AFF3: variants seen among roughly 807,000 people sequenced by gnomAD.
The protein encoded by AFF3 is ALF transcription elongation factor 3, also known as AF4/FMR2 family member 3.
AFF3 carries 32 observed loss-of-function variants against 129.7 expected under a neutral mutation model. The ratio of observed to expected loss-of-function variants is 0.25; its 90% CI spans 0.19 to 0.33. The LOEUF is 0.33. AFF3 is among the 10% of genes least tolerant of loss of function. The probability of loss-of-function intolerance (pLI) is 1.00; values close to 1 mark genes in which losing one functional copy is unlikely to be tolerated. For missense variants in AFF3, 1,373 were observed against 1,592.0 expected, an observed-to-expected ratio of 0.86 and a Z score of 2.34; for synonymous variants, 644 against 635.4, an observed-to-expected ratio of 1.01 and a Z score of -0.20.
intron 19 of AFF3, among the ~76,000 whole-genome samples, chr2:99,566,877 A>T (rs1342223733): frequency 6.6e-6 from 1 of 152,224 alleles, no homozygotes; most frequent in East Asian, 1.9e-4. Flanking sequence ...CTTCAAAACC[A>T]GAAATGCAGA....
chr2:99,711,205 G>A (rs1677858244), intron 11 of AFF3, among the ~76,000 whole-genome samples: 1 of 152,136 alleles, frequency 6.6e-6, no homozygotes, highest in Non-Finnish European at 1.5e-5. Flanking sequence ...TGTGCCCTCT[G>A]TGCCAGGCCG....
chr2:99,654,172 G>A (rs1040718679), intron 12 of AFF3, among the ~76,000 whole-genome samples: 1 of 152,154 alleles, frequency 6.6e-6, no homozygotes, highest in African/African-American at 2.4e-5. Flanking sequence ...GCGCCACTGC[G>A]CCTGGCCTGC....
chr2:99,993,950 C>A (rs1388361361), intron 7 of AFF3, among the ~76,000 whole-genome samples: 7 of 150,990 alleles, frequency 4.6e-5, no homozygotes. Flanking sequence ...GGATTACAGG[C>A]GCCCACCACC....
intron 12 of AFF3, among the ~76,000 whole-genome samples, chr2:99,659,844 C>A (rs572435750): frequency 6.6e-6 from 1 of 152,068 alleles, no homozygotes; most frequent in South Asian, 2.1e-4. Flanking sequence ...GACCTGTGTG[C>A]GCAGAAACCG....
At chr2:100,006,359 C>T (rs1681969574) in intron 7 of AFF3, 1 of 323,272 alleles carries the variant, frequency 3.1e-6, no homozygotes, top group Admixed American at 4.4e-5. Flanking sequence ...AGAAAATTCT[C>T]AAACTATAGT....
chr2:99,731,865 G>A (rs1036716736), intron 10 of AFF3, among the ~76,000 whole-genome samples: 3 of 152,182 alleles, frequency 2.0e-5, no homozygotes, highest in African/African-American at 7.2e-5. Context: ...CTAAGGTTAT[G>A]TTCTCCCTAA....
intron 15 of AFF3, among the ~76,000 whole-genome samples, chr2:99,587,759 C>T (rs146187942): frequency 7.5e-4 from 114 of 152,266 alleles, no homozygotes; most frequent in African/African-American, 2.7e-3. Context: ...TGCCTGTAAT[C>T]CCAGCACTTT....
At position 99,636,460 on chromosome 2, in the gene AFF3, G is replaced by A. The variant is rs371527806; in HGVS notation, c.1184+13166C>T. Among the ~76,000 whole-genome samples the A allele has an allele frequency of 7.9e-5, 12 of 152,278 alleles. No homozygotes were observed. The East Asian group carries it at 1.2e-3, about 15-fold the overall frequency. On this transcript the variant is annotated intron_variant, in intron 13 of 24. Transcript: ENST00000672756. ...TTCACTTCAACATTTTAATGGAACC[G>A]ACCTGAAATTAATGAGCACTGTCAC... is the stretch of plus-strand genomic sequence containing the variant.
At chr2:99,630,995 G>A (rs907479085) in intron 13 of AFF3, 1 of 462,114 alleles carries the variant, frequency 2.2e-6, no homozygotes, top group Non-Finnish European at 4.5e-6. Context: ...CATTTCAGAA[G>A]GAAGCAGCTA....
chr2:99,701,329 C>T (rs546999280), intron 11 of AFF3, among the ~76,000 whole-genome samples: 7 of 152,220 alleles, frequency 4.6e-5, no homozygotes, highest in Admixed American at 2.0e-4. Flanking sequence ...AACGTCTCTT[C>T]GGTACCTCAT....
At chr2:99,585,246 ATAT>A (rs1677979783) in intron 16 of AFF3, among the ~76,000 whole-genome samples, 1 of 152,230 alleles carries the variant, frequency 6.6e-6, no homozygotes, top group African/African-American at 2.4e-5. Context: ...GTGACATTAA[ATAT>A]TATCATGGAT....
intron 8 of AFF3, among the ~76,000 whole-genome samples, chr2:99,828,998 G>C (rs1688319947): frequency 1.3e-5 from 2 of 152,146 alleles, no homozygotes; most frequent in Admixed American, 1.3e-4. Flanking sequence ...CTTTGAAACT[G>C]AGGCTTCTAA....
At chr2:99,635,196 T>A (rs1174352458) in intron 13 of AFF3, among the ~76,000 whole-genome samples, 1 of 151,738 alleles carries the variant, frequency 6.6e-6, no homozygotes, top group Non-Finnish European at 1.5e-5. Flanking sequence ...TATATACACA[T>A]CTCTATGTAT....
At chr2:99,833,534 T>C (rs1467427404) in intron 8 of AFF3, among the ~76,000 whole-genome samples, 2 of 152,162 alleles carry the variant, frequency 1.3e-5, no homozygotes, top group African/African-American at 4.8e-5. Context: ...CAAACCAGAA[T>C]CTCAAACACT....
chr2:99,912,050 A>G (rs1695140838), intron 7 of AFF3, among the ~76,000 whole-genome samples: 1 of 152,220 alleles, frequency 6.6e-6, no homozygotes, highest in African/African-American at 2.4e-5. Flanking sequence ...ATTCCTTGGC[A>G]TGTGGAAGTA....
intron 2 of AFF3, among the ~76,000 whole-genome samples, chr2:100,116,430 G>A (rs567770218): frequency 6.6e-6 from 1 of 151,898 alleles, no homozygotes; most frequent in Non-Finnish European, 1.5e-5. Flanking sequence ...GTCTATTTTT[G>A]TGCTGTCCTC....
intron 15 of AFF3, among the ~76,000 whole-genome samples, chr2:99,589,397 A>ATT (rs55888825): frequency 0.048 from 4,917 of 103,102 alleles, 370 homozygotes; most frequent in East Asian, 0.059. Context: ...AGATGTCAAC[A>ATT]TTTTTTTTTT....
chr2:100,061,451 C>T (rs1025534840), intron 4 of AFF3, among the ~76,000 whole-genome samples: 1 of 152,082 alleles, frequency 6.6e-6, no homozygotes, highest in African/African-American at 2.4e-5. Flanking sequence ...GAAGCACTAT[C>T]TCCAAGGTGA....
chr2:99,786,455 A>T (rs1684799204), intron 8 of AFF3, among the ~76,000 whole-genome samples: 1 of 152,212 alleles, frequency 6.6e-6, no homozygotes, highest in Non-Finnish European at 1.5e-5. Context: ...GTTCAGATAA[A>T]ATAAAGTTCA....
Sources: allele counts gnomAD v4.1 joint callset (sites outside exome capture counted in the v4.1 genomes callset), GRCh38; gene constraint gnomAD v4.1.1; transcripts MANE v1.5; gene names NCBI Gene and HGNC (gene_info 2026-07-23, HGNC 2026-07-21).